TLK1: variants seen among roughly 807,000 people sequenced by gnomAD.
The protein encoded by TLK1 is serine/threonine-protein kinase tousled-like 1.
Under a neutral mutation model 105.3 loss-of-function variants are expected in TLK1, and 24 were observed. The observed-to-expected ratio is 0.23, with a 90% confidence interval of 0.17 to 0.32. TLK1 has a LOEUF of 0.32. Ranked by LOEUF, TLK1 falls within the 10% of genes least tolerant of loss-of-function variation. TLK1 has a pLI of 1.00. For synonymous variants in TLK1, 321 were observed against 310.4 expected (o/e 1.03, Z -0.36); for missense variants, 558 against 910.5 (o/e 0.61, Z 4.98).
rs1025469915 is a variant in TLK1 at position 170,991,544 on chromosome 2, G to A, written c.*2236C>T. The A allele has an allele frequency of 7.9e-5, 12 of 152,158 alleles. No individual in the cohort carries two copies. Among genetic ancestry groups the A allele is most frequent in the Non-Finnish European group, 1.2e-4 (8 of 68,026 alleles). 9.4% of individuals were successfully genotyped at this position (152,158 alleles called of 1,614,324 possible). On this transcript the variant is annotated 3_prime_UTR_variant, in exon 21 of 21. Coordinates refer to ENST00000431350, the MANE Select transcript of TLK1 (RefSeq NM_012290.5). ...TACACATCTTTGATTTTAAAATGAT[G>A]ACCTAAACCCAGGTCAGGAAAGCAA... is the stretch of plus-strand genomic sequence containing the variant.
chr2:171,024,205 A>G (rs1685668846), intron 12 of TLK1, among the ~76,000 whole-genome samples: 1 of 152,144 alleles, frequency 6.6e-6, no homozygotes, highest in South Asian at 2.1e-4. Context: ...ACATTTTACT[A>G]TATAGTTCTA....
At chr2:171,137,359 G>A (rs1394389202) in intron 1 of TLK1, among the ~76,000 whole-genome samples, 1 of 151,688 alleles carries the variant, frequency 6.6e-6, no homozygotes, top group Non-Finnish European at 1.5e-5. Flanking sequence ...GAAATAAAAC[G>A]AAGTAAATTC....
intron 12 of TLK1, among the ~76,000 whole-genome samples, chr2:171,025,075 T>C (rs1389873282): frequency 2.6e-5 from 4 of 152,220 alleles, no homozygotes; most frequent in Non-Finnish European, 5.9e-5. Context: ...CTATTTATTT[T>C]AGCCATGTAT....
chr2:171,047,959 TA>T (rs1342739505), intron 10 of TLK1, among the ~76,000 whole-genome samples: 1 of 152,216 alleles, frequency 6.6e-6, no homozygotes, highest in Non-Finnish European at 1.5e-5. Flanking sequence ...TTTTTGACAT[TA>T]TTTTTTGAGA....
At chr2:171,057,571 GA>G (rs566761053) in intron 5 of TLK1, among the ~76,000 whole-genome samples, 1 of 150,698 alleles carries the variant, frequency 6.6e-6, no homozygotes, top group African/African-American at 2.4e-5. Context: ...AGCAGTGGTG[GA>G]AAAAAAAATC....
intron 1 of TLK1, among the ~76,000 whole-genome samples, chr2:171,137,419 T>A (rs1034204474): frequency 1.2e-4 from 19 of 152,182 alleles, no homozygotes; most frequent in African/African-American, 3.6e-4. Flanking sequence ...AGTGATTTTT[T>A]AAAAAATAAA....
At chr2:171,001,496 T>C (rs1226561792) in intron 18 of TLK1, among the ~76,000 whole-genome samples, 1 of 152,190 alleles carries the variant, frequency 6.6e-6, no homozygotes, top group Non-Finnish European at 1.5e-5. Flanking sequence ...CCTTGTTGTA[T>C]AGGCAAAAGA....
intron 1 of TLK1, among the ~76,000 whole-genome samples, chr2:171,206,990 C>T (rs1172720620): frequency 1.3e-5 from 2 of 152,158 alleles, no homozygotes; most frequent in Non-Finnish European, 2.9e-5. Flanking sequence ...AACAGTTTGG[C>T]AGTTTCTTAT....
chr2:171,202,173 A>G (rs1378868305), intron 1 of TLK1, among the ~76,000 whole-genome samples: 1 of 152,256 alleles, frequency 6.6e-6, no homozygotes, highest in Non-Finnish European at 1.5e-5. Flanking sequence ...TTCCCGGCTC[A>G]GGCCGGGCGC....
chr2:171,038,796 T>C (rs1384360043), intron 11 of TLK1, among the ~76,000 whole-genome samples: 1 of 152,216 alleles, frequency 6.6e-6, no homozygotes, highest in East Asian at 1.9e-4. Flanking sequence ...ACATGTATTC[T>C]GCAGATGTTG....
intron 3 of TLK1, among the ~76,000 whole-genome samples, chr2:171,070,430 C>A (rs1216332851): frequency 6.6e-6 from 1 of 152,108 alleles, no homozygotes; most frequent in Non-Finnish European, 1.5e-5. Context: ...ACCACCACCA[C>A]TCTTCCCAGA....
intron 1 of TLK1, among the ~76,000 whole-genome samples, chr2:171,230,028 TAA>T (rs67070626): frequency 3.4e-5 from 5 of 147,376 alleles, no homozygotes; most frequent in South Asian, 2.1e-4. Context: ...CAAATTACAG[TAA>T]AAAAAAAAGA....
At chr2:171,210,501 G>T (rs566369068) in intron 1 of TLK1, among the ~76,000 whole-genome samples, 1 of 152,072 alleles carries the variant, frequency 6.6e-6, no homozygotes, top group East Asian at 1.9e-4. Flanking sequence ...ATTTGCGAAA[G>T]AAAAGAATTT....
chr2:171,015,692 CA>C (rs1685157752), intron 12 of TLK1, among the ~76,000 whole-genome samples: 1 of 3,588 alleles, frequency 2.8e-4, no homozygotes, highest in Non-Finnish European at 1.2e-3. Flanking sequence ...CATTCATACA[CA>C]CACACATATA....
Position 171,050,044 on chromosome 2 carries a change from T to C in TLK1, c.843+20A>G, listed in dbSNP as rs776672226. On this transcript the variant is annotated intron_variant, in intron 9 of 20. Transcript: ENST00000431350. ...GGGCTAATGAAGGGAAAGCGAAAAT[T>C]TACTCAACTTTTAGCCTACCTTTTC... 1.2e-6 allele frequency: 2 copies of C among 1,605,250 alleles called. No homozygotes were observed. The highest frequency in any genetic ancestry group is 2.2e-5 in the East Asian group (1 of 44,692).
At chr2:171,122,156 A>C (rs1432463922) in intron 1 of TLK1, among the ~76,000 whole-genome samples, 2 of 151,508 alleles carry the variant, frequency 1.3e-5, no homozygotes, top group Non-Finnish European at 2.9e-5. Flanking sequence ...CATGTTGGCC[A>C]GGATGCACCA....
At chr2:171,019,135 A>G (rs1685352915) in intron 12 of TLK1, among the ~76,000 whole-genome samples, 1 of 152,204 alleles carries the variant, frequency 6.6e-6, no homozygotes. Context: ...AAAAATGTGT[A>G]TGGATAACTC....
At chr2:171,141,008 C>T (rs776070596) in intron 1 of TLK1, among the ~76,000 whole-genome samples, 5 of 151,806 alleles carry the variant, frequency 3.3e-5, no homozygotes, top group Non-Finnish European at 7.4e-5. Flanking sequence ...TTAGACACAG[C>T]CTAAGAGAAT....
At chr2:171,217,987 T>C (rs1206725844) in intron 1 of TLK1, among the ~76,000 whole-genome samples, 2 of 152,100 alleles carry the variant, frequency 1.3e-5, no homozygotes, top group African/African-American at 4.8e-5. Flanking sequence ...GGCATGGTGG[T>C]TCATGCCTGT....
Sources: gnomAD v4.1 joint callset for allele counts (sites outside exome capture counted in the v4.1 genomes callset) on GRCh38, gnomAD v4.1.1 for gene constraint, MANE v1.5 for transcripts, NCBI Gene and HGNC (gene_info 2026-07-23, HGNC 2026-07-21) for gene names.